The following TMEM71 variants were observed in gnomAD, a reference collection of about 807,000 sequenced individuals.
TMEM71 encodes transmembrane protein 71.
A neutral mutation model predicts 38.0 loss-of-function variants in TMEM71; 44 were observed. The observed-to-expected ratio is 1.16, with a 90% CI of 0.91 to 1.49. The LOEUF is 1.49. Among genes scored for constraint, TMEM71 ranks in the 40% most tolerant of loss-of-function variants. The probability of loss-of-function intolerance (pLI) is 0.00; values close to 1 mark genes in which losing one functional copy is unlikely to be tolerated. For synonymous variants in TMEM71, 133 were observed against 122.5 expected, an observed-to-expected ratio of 1.09 and a Z score of -0.56; for missense variants, 367 against 348.6, an observed-to-expected ratio of 1.05 and a Z score of -0.42.
chr8:132,770,107 A>T, the TMEM71 span, among the ~76,000 whole-genome samples: 1 of 152,190 alleles, frequency 6.6e-6, no homozygotes, highest in African/African-American at 2.4e-5. Flanking sequence ...TGTAGAGACT[A>T]TCTCTAAAAT....
At chr8:132,741,868 C>T (rs954416175) in intron 5 of TMEM71, among the ~76,000 whole-genome samples, 17 of 152,166 alleles carry the variant, frequency 1.1e-4, no homozygotes, top group African/African-American at 3.4e-4. Flanking sequence ...CTAAACTCCC[C>T]GGGGGAAAAG....
At chr8:132,737,466 A>C (rs186696829) in intron 5 of TMEM71, among the ~76,000 whole-genome samples, 13 of 152,270 alleles carry the variant, frequency 8.5e-5, no homozygotes, top group Admixed American at 7.8e-4. Flanking sequence ...TTCTTTCATA[A>C]CACCACACTC....
chr8:132,710,574 G>A lies in TMEM71; in HGVS notation c.*393C>T. On this transcript the variant is annotated 3_prime_UTR_variant, in exon 10 of 10. Transcript: ENST00000677595. The stretch of plus-strand genomic sequence containing the variant: ...ATTCTATTAAAGCAATTCAGCAAGA[G>A]ATAGGTGCATGTGGCAGACCCAGAA... 2.4e-6 allele frequency: 1 copy of A among 418,288 alleles called. No individual in the cohort carries two copies. The allele number at this position is 418,288 out of a possible 1,614,324, so 25.9% of individuals were successfully genotyped here.
the TMEM71 span, among the ~76,000 whole-genome samples, chr8:132,772,036 C>A: frequency 2.6e-5 from 4 of 152,116 alleles, no homozygotes. Flanking sequence ...TTCTGCTAAA[C>A]TAACCTTAAA....
At chr8:132,707,945 G>T (rs1344219120), downstream of TMEM71, among the ~76,000 whole-genome samples, 1 of 152,054 alleles carries the variant, frequency 6.6e-6, no homozygotes, top group African/African-American at 2.4e-5. Flanking sequence ...ACTCCCAGGG[G>T]CTAGACTGGC....
intron 5 of TMEM71, among the ~76,000 whole-genome samples, chr8:132,742,859 G>A (rs1283884620): frequency 6.6e-6 from 1 of 152,202 alleles, no homozygotes; most frequent in Admixed American, 6.5e-5. Flanking sequence ...GAGGTTTAAT[G>A]GACTTACAGT....
upstream of TMEM71, among the ~76,000 whole-genome samples, chr8:132,764,702 C>G (rs1052399575): frequency 1.3e-5 from 2 of 152,198 alleles, no homozygotes; most frequent in African/African-American, 4.8e-5. Flanking sequence ...TCTGAGCAGC[C>G]TCTCTGACCC....
In TMEM71 at chr8:132,756,342, A is replaced by G. The variant is rs1243437680; in HGVS notation, c.101+892T>C. 2.0e-5 allele frequency among the ~76,000 whole-genome samples: 3 copies of G among 148,628 alleles called. No homozygotes were observed. The Admixed American group carries it at 2.0e-4, about 10-fold the overall frequency. On this transcript the variant is annotated intron_variant, in intron 3 of 9. Coordinates refer to ENST00000677595, the MANE Select transcript of TMEM71 (RefSeq NM_001382403.1). ...TGAGACAAAGTAACAATTCATCAGT[A>G]TTCAATAGTTTCACCACTCACCAGA...
intron 5 of TMEM71, among the ~76,000 whole-genome samples, chr8:132,742,517 T>C (rs1828101246): frequency 6.6e-6 from 1 of 152,232 alleles, no homozygotes; most frequent in Non-Finnish European, 1.5e-5. Flanking sequence ...CTTAAATCTC[T>C]CATGCTGTTT....
At chr8:132,724,502 G>A (rs535610074) in intron 6 of TMEM71, among the ~76,000 whole-genome samples, 20 of 152,122 alleles carry the variant, frequency 1.3e-4, no homozygotes, top group African/African-American at 3.6e-4. Context: ...GTTTTTGCCC[G>A]ACCCCGCAGG....
intron 4 of TMEM71, among the ~76,000 whole-genome samples, chr8:132,748,867 C>T (rs1397209728): frequency 6.6e-6 from 1 of 152,144 alleles, no homozygotes. Flanking sequence ...AGCTGGAATC[C>T]TATTTCCACC....
chr8:132,754,431 G>A (rs549877327), intron 3 of TMEM71, among the ~76,000 whole-genome samples: 2 of 152,272 alleles, frequency 1.3e-5, no homozygotes, highest in South Asian at 4.1e-4. Context: ...TTTGCAGATA[G>A]AGCTAGGTTT....
the TMEM71 span, among the ~76,000 whole-genome samples, chr8:132,771,421 A>G: frequency 2.0e-5 from 3 of 152,124 alleles, no homozygotes; most frequent in African/African-American, 7.2e-5. Context: ...TTTCTATTTT[A>G]TGACCCTTAG....
At chr8:132,775,502 G>A in the TMEM71 span, 5 of 376,036 alleles carry the variant, frequency 1.3e-5, no homozygotes, top group Non-Finnish European at 2.4e-5. Context: ...ATCCGGCGCT[G>A]CGGCCCCAGC....
downstream of TMEM71, among the ~76,000 whole-genome samples, chr8:132,708,233 T>C (rs1387010045): frequency 2.6e-5 from 4 of 152,124 alleles, no homozygotes; most frequent in South Asian, 2.1e-4. Context: ...TCCAGTGATG[T>C]ACAAGTCTTC....
intron 9 of TMEM71, among the ~76,000 whole-genome samples, chr8:132,713,042 A>G (rs1358069322): frequency 6.6e-6 from 1 of 151,566 alleles, no homozygotes; most frequent in Admixed American, 6.6e-5. Flanking sequence ...CGTAGGTCTC[A>G]CTATGTTGCT....
chr8:132,739,080 T>C (rs960834911), intron 5 of TMEM71, among the ~76,000 whole-genome samples: 2 of 152,204 alleles, frequency 1.3e-5, no homozygotes, highest in Non-Finnish European at 2.9e-5. Flanking sequence ...GTTACGTGTG[T>C]CTTCTGTCTA....
At chr8:132,771,958 C>T in the TMEM71 span, among the ~76,000 whole-genome samples, 1 of 152,066 alleles carries the variant, frequency 6.6e-6, no homozygotes, top group Non-Finnish European at 1.5e-5. Context: ...GATGTCAGTG[C>T]TATTTTCAAA....
chr8:132,732,472 AGAT>A (rs1490513357), intron 5 of TMEM71, among the ~76,000 whole-genome samples: 1 of 152,092 alleles, frequency 6.6e-6, no homozygotes, highest in African/African-American at 2.4e-5. Flanking sequence ...CAGTCCCAGG[AGAT>A]GATTCTGTCT....
Sources: gnomAD v4.1 joint callset for allele counts (sites outside exome capture counted in the v4.1 genomes callset) on GRCh38, gnomAD v4.1.1 for gene constraint, MANE v1.5 for transcripts, NCBI Gene and HGNC (gene_info 2026-07-23, HGNC 2026-07-21) for gene names.